The following BNC2 variants were observed in gnomAD, a reference collection of about 807,000 sequenced individuals.
BNC2 encodes basonuclin zinc finger protein 2, also known as zinc finger protein basonuclin-2.
In BNC2, 20 loss-of-function variants were observed where a neutral mutation model predicts 76.3. That is an observed-to-expected ratio of 0.26 (90% CI 0.18 to 0.38). BNC2 has a LOEUF of 0.38. Ranked by LOEUF, BNC2 falls within the 10% of genes least tolerant of loss-of-function variation. BNC2 has a pLI of 1.00. For missense variants in BNC2, 1,382 were observed against 1,399.8 expected (o/e 0.99, Z 0.20); for synonymous variants, 582 against 514.8 (o/e 1.13, Z -1.77).
At chr9:16,657,828 G>A (rs1821974592) in intron 3 of BNC2, among the ~76,000 whole-genome samples, 1 of 152,168 alleles carries the variant, frequency 6.6e-6, no homozygotes, top group Admixed American at 6.5e-5. Context: ...ATACTATGAT[G>A]TCACCTGAAG....
chr9:16,425,283 G>A (rs750569454), intron 6 of BNC2, among the ~76,000 whole-genome samples: 2 of 152,152 alleles, frequency 1.3e-5, no homozygotes, highest in Non-Finnish European at 2.9e-5. Context: ...TTACTGCACA[G>A]ATACGGCACG....
chr9:16,642,192 G>C (rs1283068532), intron 3 of BNC2, among the ~76,000 whole-genome samples: 1 of 152,010 alleles, frequency 6.6e-6, no homozygotes, highest in Non-Finnish European at 1.5e-5. Flanking sequence ...TACAAGTTTT[G>C]TTGTTTACTT....
At chr9:16,661,693 G>C (rs1190749120) in intron 3 of BNC2, among the ~76,000 whole-genome samples, 4 of 151,998 alleles carry the variant, frequency 2.6e-5, no homozygotes, top group Non-Finnish European at 4.4e-5. Context: ...TACATGTGTT[G>C]TGTGTGTGTG....
chr9:16,837,945 G>A (rs1488442991), intron 1 of BNC2, among the ~76,000 whole-genome samples: 4 of 151,806 alleles, frequency 2.6e-5, no homozygotes, highest in Non-Finnish European at 4.4e-5. Flanking sequence ...AAAACAAAGG[G>A]TTTCTACTCT....
intron 1 of BNC2, among the ~76,000 whole-genome samples, chr9:16,751,917 TACTCGGGAGGC>T (rs1234011816): frequency 2.7e-4 from 41 of 151,694 alleles, no homozygotes; most frequent in African/African-American, 8.7e-4. Context: ...TAATCTCAGC[TACTCGGGAGGC>T]TGAGGCAAAA....
chr9:16,578,847 A>G (rs1025754789), intron 4 of BNC2, among the ~76,000 whole-genome samples: 1 of 152,212 alleles, frequency 6.6e-6, no homozygotes, highest in Non-Finnish European at 1.5e-5. Flanking sequence ...GAAAGTAAAA[A>G]ATATAGTATT....
At chr9:16,491,417 T>C (rs1158080428) in intron 5 of BNC2, among the ~76,000 whole-genome samples, 1 of 152,178 alleles carries the variant, frequency 6.6e-6, no homozygotes, top group East Asian at 1.9e-4. Context: ...GATCTGGTAA[T>C]GACAAAACTT....
chr9:16,470,267 G>C (rs1330179493), intron 5 of BNC2, among the ~76,000 whole-genome samples: 3 of 152,048 alleles, frequency 2.0e-5, no homozygotes, highest in Non-Finnish European at 1.5e-5. Context: ...AAAGTGCTTG[G>C]ATTACAGGCA....
intron 4 of BNC2, among the ~76,000 whole-genome samples, chr9:16,578,697 T>A (rs1193314047): frequency 6.6e-6 from 1 of 152,192 alleles, no homozygotes; most frequent in African/African-American, 2.4e-5. Context: ...ACTGCTCTTA[T>A]CCTGATATCT....
chr9:16,631,184 G>C (rs1821150615), intron 3 of BNC2, among the ~76,000 whole-genome samples: 1 of 152,144 alleles, frequency 6.6e-6, no homozygotes, highest in Non-Finnish European at 1.5e-5. Context: ...TTTCCCAAGA[G>C]TATTCTTTCA....
At chr9:16,573,580 C>T (rs894976999) in intron 4 of BNC2, among the ~76,000 whole-genome samples, 2 of 152,076 alleles carry the variant, frequency 1.3e-5, no homozygotes, top group Non-Finnish European at 2.9e-5. Flanking sequence ...CAAGACTGTC[C>T]TTTCAATTAG....
chr9:16,458,871 A>T (rs1458461356), intron 5 of BNC2, among the ~76,000 whole-genome samples: 2 of 152,172 alleles, frequency 1.3e-5, no homozygotes, highest in African/African-American at 2.4e-5. Flanking sequence ...CTGAAACCAC[A>T]TTTCAGCTCA....
chr9:16,736,479 C>CT lies in BNC2; in HGVS notation c.129+1880dup, dbSNP rs1161339565. On this transcript the variant is annotated intron_variant, in intron 2 of 6. Transcript: ENST00000380672. ...TTATTGTTTATTATTATGATTATTT[C>CT]TTTTTTTTTTTTTTGAGACAGAGTC... Among the ~76,000 whole-genome samples the CT allele has an allele frequency of 6.0e-3, 850 of 141,212 alleles. 4 individuals are homozygous for CT. The highest frequency in any genetic ancestry group is 0.017 in the African/African-American group (642 of 38,824). The allele number at this position is 141,212 out of a possible 152,430, so 92.6% of individuals were successfully genotyped here.
intron 3 of BNC2, among the ~76,000 whole-genome samples, chr9:16,696,764 C>CAA (rs1211117390): frequency 1.2e-4 from 18 of 152,248 alleles, no homozygotes; most frequent in African/African-American, 4.3e-4. Flanking sequence ...TTTCATTATT[C>CAA]CAGCAGATCC....
intron 1 of BNC2, among the ~76,000 whole-genome samples, chr9:16,792,847 T>C (rs1374177322): frequency 1.3e-5 from 2 of 152,248 alleles, no homozygotes; most frequent in African/African-American, 4.8e-5. Context: ...TCACAAGGAA[T>C]TCCATATGGA....
In BNC2 at chr9:16,565,163, T is replaced by A. The variant is rs754189190; in HGVS notation, c.434-12398A>T. 4.6e-5 allele frequency among the ~76,000 whole-genome samples: 7 copies of A among 152,196 alleles called. 1 individual carries two copies. The highest frequency in any genetic ancestry group is 8.8e-5 in the Non-Finnish European group (6 of 68,024). ...TATGCTAAAGAAAACCAAGTCAATC[T>A]TCTCAAAATACTGCTTAGTCTTTCC... On this transcript the variant is annotated intron_variant, in intron 4 of 6. Coordinates refer to ENST00000380672, the MANE Select transcript of BNC2 (RefSeq NM_017637.6).
chr9:16,621,849 A>G (rs1820876131), intron 3 of BNC2, among the ~76,000 whole-genome samples: 4 of 152,172 alleles, frequency 2.6e-5, no homozygotes, highest in Non-Finnish European at 5.9e-5. Context: ...TATTGATTAT[A>G]TATTTTTTAT....
chr9:16,435,844 C>A lies in BNC2; in HGVS notation c.2350G>T (p.Asp784Tyr). ...CCATACTGGCTCATGTAAAACATGT[C>A]GTAAGTGGGGTCTGTAAATTCTTCC... is the stretch of plus-strand genomic sequence containing the variant. The part of the protein sequence containing the change: ...VKEEFTDPTY[D>Y]MFYMSQYGLY... Residue 784 changes from aspartate (D) to tyrosine (Y), a missense_variant, in exon 6 of 7, where the codon GAC becomes TAC. Asp to Tyr is a radical substitution (Grantham distance 160, BLOSUM62 -3). Transcript: ENST00000380672. 6.2e-7 allele frequency: 1 copy of A among 1,613,930 alleles called. No individual in the cohort carries two copies. Among genetic ancestry groups the A allele is most frequent in the African/African-American group, 1.3e-5 (1 of 75,054 alleles).
chr9:16,648,289 C>T (rs1045300147), intron 3 of BNC2, among the ~76,000 whole-genome samples: 2 of 152,170 alleles, frequency 1.3e-5, no homozygotes, highest in Non-Finnish European at 2.9e-5. Flanking sequence ...CTGTTTTTAA[C>T]TAAAACTATA....
Sources: gnomAD v4.1 joint callset for allele counts (sites outside exome capture counted in the v4.1 genomes callset) on GRCh38, gnomAD v4.1.1 for gene constraint, MANE v1.5 for transcripts, NCBI Gene and HGNC (gene_info 2026-07-23, HGNC 2026-07-21) for gene names.